KSR1: variants seen among roughly 807,000 people sequenced by gnomAD.
The protein encoded by KSR1 is kinase suppressor of ras 1.
In KSR1, 35 loss-of-function variants were observed where a neutral mutation model predicts 92.9. The observed-to-expected ratio is 0.38, with a 90% CI of 0.29 to 0.50. The LOEUF (loss-of-function observed/expected upper bound fraction) is 0.50, where lower values mean the gene tolerates loss of function less well. Among genes scored for constraint, KSR1 ranks in the 20% least tolerant of loss-of-function variants. The probability of loss-of-function intolerance (pLI) is 0.94; values close to 1 mark genes in which losing one functional copy is unlikely to be tolerated. For synonymous variants in KSR1, 467 were observed against 472.6 expected, an observed-to-expected ratio of 0.99 and a Z score of 0.15; for missense variants, 972 against 1,158.5, an observed-to-expected ratio of 0.84 and a Z score of 2.34.
chr17:27,582,835 A>G lies in KSR1; in HGVS notation c.710A>G (p.Asp237Gly), dbSNP rs146578811. The G allele has an allele frequency of 1.1e-5, 17 of 1,612,106 alleles. No homozygotes were observed. The East Asian group carries it at 3.8e-4, about 36-fold the overall frequency. ...TCCGTGTCAGCTCTGCCCGCCTCAGACTCCCCCACCCCCAGCTTCAGTGAG... is the reference window on the plus strand; with the variant it reads ...TCCGTGTCAGCTCTGCCCGCCTCAGGCTCCCCCACCCCCAGCTTCAGTGAG... ...SISVSALPAS[D>G]SPTPSFSEGL... Residue 237 changes from aspartate (D) to glycine (G), a missense_variant, in exon 4 of 21, where the codon GAC becomes GGC. Transcript: ENST00000644974.
chr17:27,517,244 A>T (rs2069833445), intron 1 of KSR1, among the ~76,000 whole-genome samples: 1 of 152,062 alleles, frequency 6.6e-6, no homozygotes. Flanking sequence ...CATAATAAGA[A>T]CCTTGTGCTC....
chr17:27,494,501 G>A (rs1057177493), intron 1 of KSR1, among the ~76,000 whole-genome samples: 43 of 152,164 alleles, frequency 2.8e-4, no homozygotes, highest in African/African-American at 1.0e-3. Flanking sequence ...CCAGGGTCAC[G>A]TGCCTGGTCA....
chr17:27,529,149 T>A (rs1015556044), intron 1 of KSR1, among the ~76,000 whole-genome samples: 1 of 152,160 alleles, frequency 6.6e-6, no homozygotes, highest in Non-Finnish European at 1.5e-5. Flanking sequence ...AAAAAGAAAA[T>A]TAATGCCTTA....
intron 1 of KSR1, among the ~76,000 whole-genome samples, chr17:27,482,053 G>A (rs948454716): frequency 2.0e-5 from 3 of 152,102 alleles, no homozygotes; most frequent in South Asian, 2.1e-4. Context: ...ATGTTATAGC[G>A]CATGCCAGCT....
chr17:27,600,186 G>A (rs1418276557), intron 10 of KSR1, among the ~76,000 whole-genome samples: 1 of 141,174 alleles, frequency 7.1e-6, no homozygotes, highest in African/African-American at 2.7e-5. Context: ...TGTAATCCCA[G>A]CACTTTGGGA....
chr17:27,536,440 T>C (rs558600778), intron 1 of KSR1, among the ~76,000 whole-genome samples: 1 of 152,342 alleles, frequency 6.6e-6, no homozygotes, highest in African/African-American at 2.4e-5. Flanking sequence ...TAAATTACCT[T>C]TTGTTCTCAT....
intron 20 of KSR1, chr17:27,621,789 C>G: frequency 1.3e-6 from 1 of 743,212 alleles, no homozygotes; most frequent in South Asian, 1.7e-5. Context: ...GGGATGGAGT[C>G]CAGGATGGCC....
chr17:27,600,173 G>A (rs1598119904), intron 10 of KSR1, among the ~76,000 whole-genome samples: 2 of 141,834 alleles, frequency 1.4e-5, no homozygotes, highest in South Asian at 4.4e-4. Flanking sequence ...GGTGGCTCAC[G>A]CCTGTAATCC....
chr17:27,562,824 T>C (rs1344161035), intron 2 of KSR1, among the ~76,000 whole-genome samples: 1 of 152,196 alleles, frequency 6.6e-6, no homozygotes, highest in Non-Finnish European at 1.5e-5. Flanking sequence ...GGAAACAAAA[T>C]TGTTTGAGTG....
intron 14 of KSR1, 64 bp from the exon 15 acceptor site, chr17:27,607,850 A>AC (rs2073803286): frequency 8.1e-7 from 1 of 1,227,648 alleles, no homozygotes; most frequent in South Asian, 1.3e-5. Flanking sequence ...CATGGGCTCC[A>AC]CCAGGGTTGG....
chr17:27,552,237 G>C (rs915634863), intron 2 of KSR1, among the ~76,000 whole-genome samples: 2 of 152,192 alleles, frequency 1.3e-5, no homozygotes, highest in African/African-American at 4.8e-5. Flanking sequence ...TTTGTTGTCT[G>C]TGGTCTGTCT....
intron 4 of KSR1, chr17:27,583,845 G>A: frequency 4.6e-6 from 1 of 216,222 alleles, no homozygotes; most frequent in Non-Finnish European, 7.9e-6. Context: ...ATGGTCCAAA[G>A]CGCAGCAGCT....
At chr17:27,599,554 C>G (rs930390847) in intron 10 of KSR1, among the ~76,000 whole-genome samples, 1 of 152,210 alleles carries the variant, frequency 6.6e-6, no homozygotes, top group African/African-American at 2.4e-5. Context: ...AAGACTCTGT[C>G]TCTAAATCAG....
rs780923823 is a variant in KSR1, at chr17:27,590,832, G to A, written c.1068G>A (p.Leu356=). 1.2e-6 allele frequency: 2 copies of A among 1,611,428 alleles called. No individual in the cohort carries two copies. The highest frequency in any genetic ancestry group is 2.2e-5 in the East Asian group (1 of 44,838). The change falls in exon 7 of 21, where the codon CTG becomes CTA. Residue 356 remains leucine (L), a synonymous_variant. Transcript: ENST00000644974. ...VTHRFSTKSW[L]SQVCHVCQKS... is the part of the protein sequence containing the mutation. ...GCAGGTTCTCCACCAAGTCCTGGCT[G>A]TCGCAGGTCTGCCACGTGTGCCAGA...
chr17:27,467,904 G>A (rs754199663), intron 1 of KSR1, among the ~76,000 whole-genome samples: 30 of 150,534 alleles, frequency 2.0e-4, no homozygotes, highest in Non-Finnish European at 2.8e-4. Flanking sequence ...TCTGCCTCCT[G>A]GGTTCCATTC....
intron 2 of KSR1, among the ~76,000 whole-genome samples, chr17:27,563,963 A>C (rs1367152101): frequency 2.2e-4 from 28 of 128,418 alleles, no homozygotes; most frequent in African/African-American, 8.3e-4. Flanking sequence ...TTTTATTTGT[A>C]CAGTTGGTAT....
intron 1 of KSR1, among the ~76,000 whole-genome samples, chr17:27,471,389 C>T (rs572852076): frequency 7.9e-5 from 12 of 152,058 alleles, no homozygotes; most frequent in Non-Finnish European, 1.5e-4. Context: ...ATGGGGTGAT[C>T]GGGAAAGGCC....
chr17:27,465,485 A>G (rs2019650409), intron 1 of KSR1: 2 of 152,332 alleles, frequency 1.3e-5, no homozygotes, highest in Admixed American at 6.5e-5. Flanking sequence ...GTTCCAGACC[A>G]GCCTGGGCGA....
Position 27,577,348 on chromosome 17 carries a change from C to T in KSR1, c.373-144C>T. On this transcript the variant is annotated intron_variant, in intron 2 of 20. Coordinates refer to ENST00000644974, the MANE Select transcript of KSR1 (RefSeq NM_001394583.1). This position sits in a 1 kb window ranked among gnomAD's most constrained non-coding sequence, Gnocchi z 4.5. ...GGGGCCAGGGAGCTCTGCTTGTGTC[C>T]CCAAGCACGTGGTGGCTCTGGTCAG... The T allele has an allele frequency of 1.7e-6, 1 of 595,288 alleles. No individual in the cohort carries two copies. The highest frequency in any genetic ancestry group is 4.4e-4 in the Middle Eastern group (1 of 2,250). 36.9% of individuals were successfully genotyped at this position (595,288 alleles called of 1,614,324 possible). A position where few individuals can be genotyped will look rare whatever the true frequency, so the allele number is the denominator to read the frequency against.
Sources: allele counts gnomAD v4.1 joint callset (sites outside exome capture counted in the v4.1 genomes callset), GRCh38; gene constraint gnomAD v4.1.1; non-coding constraint Gnocchi (gnomAD v3.1); transcripts MANE v1.5; gene names NCBI Gene and HGNC (gene_info 2026-07-23, HGNC 2026-07-21).